The following TAFA5 variants were observed in gnomAD, a reference collection of about 807,000 sequenced individuals.
TAFA5 encodes the protein chemokine-like protein TAFA-5.
A neutral mutation model predicts 15.3 loss-of-function variants in TAFA5; 6 were observed. That is an observed-to-expected ratio of 0.39 (90% CI 0.21 to 0.77). The LOEUF (loss-of-function observed/expected upper bound fraction) is 0.77, where lower values mean the gene tolerates loss of function less well. TAFA5 is among the 30% of genes least tolerant of loss of function. The probability of loss-of-function intolerance (pLI) is 0.41; values close to 1 mark genes in which losing one functional copy is unlikely to be tolerated. For missense variants in TAFA5, 161 were observed against 193.1 expected (o/e 0.83, Z 0.98); for synonymous variants, 103 against 80.7 (o/e 1.28, Z -1.48).
In TAFA5 at chr22:48,667,183, T is replaced by A. The variant is rs141393476; in HGVS notation, c.262+20437T>A. On this transcript the variant is annotated intron_variant, in intron 2 of 3. Transcript: ENST00000402357. ...AGCACAGGGCAGCAGGGATGAGGTCTGCCCATCCGAGCGGCCTGCAGGAGG... is the reference window on the plus strand; with the variant it reads ...AGCACAGGGCAGCAGGGATGAGGTCAGCCCATCCGAGCGGCCTGCAGGAGG... 3.5e-3 allele frequency among the ~76,000 whole-genome samples: 530 copies of A among 152,244 alleles called. 4 individuals are homozygous for A. The highest frequency in any genetic ancestry group is 0.012 in the African/African-American group (494 of 41,552).
chr22:48,501,816 G>A (rs1017885951), intron 1 of TAFA5, among the ~76,000 whole-genome samples: 1 of 152,192 alleles, frequency 6.6e-6, no homozygotes, highest in African/African-American at 2.4e-5. Flanking sequence ...GCCCCGGAGG[G>A]TGCATCTGTC....
At chr22:48,500,074 G>T (rs1920944086) in intron 1 of TAFA5, among the ~76,000 whole-genome samples, 1 of 152,086 alleles carries the variant, frequency 6.6e-6, no homozygotes, top group Non-Finnish European at 1.5e-5. Flanking sequence ...ATGAGGGGAG[G>T]TTAAGGCTTT....
intron 2 of TAFA5, among the ~76,000 whole-genome samples, chr22:48,654,282 C>T (rs1183915637): frequency 6.6e-6 from 1 of 152,156 alleles, no homozygotes; most frequent in Non-Finnish European, 1.5e-5. Flanking sequence ...CTGGGCAGAC[C>T]ACCACCCTCC....
chr22:48,551,973 A>T (rs1379227051), intron 1 of TAFA5, among the ~76,000 whole-genome samples: 1 of 152,194 alleles, frequency 6.6e-6, no homozygotes, highest in African/African-American at 2.4e-5. Context: ...GATTGAGAGC[A>T]CGGGCTCCTG....
Position 48,696,532 on chromosome 22 carries a change from G to A in TAFA5, c.263-11185G>A, listed in dbSNP as rs1029746279. 3.9e-5 allele frequency among the ~76,000 whole-genome samples: 6 copies of A among 152,314 alleles called. No individual in the cohort carries two copies. In the East Asian group the frequency reaches 1.2e-3, roughly 29 times the overall value. On this transcript the variant is annotated intron_variant, in intron 2 of 3. Coordinates refer to ENST00000402357, the MANE Select transcript of TAFA5 (RefSeq NM_001082967.3). ...CAGCACTTCCTCTTTGACCTGCAGG[G>A]GGGTCCCGGAGTGAATGGGTGGCAG... is the stretch of plus-strand genomic sequence containing the variant.
At chr22:48,734,311 G>A (rs143101100) in intron 3 of TAFA5, among the ~76,000 whole-genome samples, 3 of 152,306 alleles carry the variant, frequency 2.0e-5, no homozygotes, top group Admixed American at 6.5e-5. Context: ...GCGAAATATC[G>A]TGAGGCCAGC....
At chr22:48,615,090 G>A (rs911571812) in intron 1 of TAFA5, among the ~76,000 whole-genome samples, 9 of 152,264 alleles carry the variant, frequency 5.9e-5, no homozygotes, top group South Asian at 2.1e-4. Context: ...CAAAGCCTCC[G>A]TGTTTCCCAG....
At chr22:48,520,557 G>T (rs1013250150) in intron 1 of TAFA5, among the ~76,000 whole-genome samples, 2 of 152,206 alleles carry the variant, frequency 1.3e-5, no homozygotes, top group Non-Finnish European at 2.9e-5. Flanking sequence ...CCTTTGTTGG[G>T]GATGGAGAGT....
At chr22:48,492,788 T>A (rs1928202094) in intron 1 of TAFA5, among the ~76,000 whole-genome samples, 1 of 152,176 alleles carries the variant, frequency 6.6e-6, no homozygotes. Context: ...GTTGGATGGT[T>A]GGTAATAAGT....
At chr22:48,731,421 T>G (rs1929865562) in intron 3 of TAFA5, among the ~76,000 whole-genome samples, 1 of 152,250 alleles carries the variant, frequency 6.6e-6, no homozygotes, top group Admixed American at 6.5e-5. Flanking sequence ...AGCCTTCTAT[T>G]GCAAGAAGAC....
At chr22:48,697,752 G>A (rs1309598698) in intron 2 of TAFA5, among the ~76,000 whole-genome samples, 1 of 151,558 alleles carries the variant, frequency 6.6e-6, no homozygotes, top group East Asian at 2.0e-4. Context: ...ATGATAATGT[G>A]ATGATAGTAA....
intron 1 of TAFA5, among the ~76,000 whole-genome samples, chr22:48,588,490 C>A (rs952799478): frequency 6.6e-6 from 1 of 152,144 alleles, no homozygotes; most frequent in Non-Finnish European, 1.5e-5. Context: ...GCAGAGGGTC[C>A]CAGGCAGGGT....
intron 1 of TAFA5, among the ~76,000 whole-genome samples, chr22:48,624,948 AAAC>A (rs1925975934): frequency 6.6e-6 from 1 of 151,996 alleles, no homozygotes; most frequent in African/African-American, 2.4e-5. Flanking sequence ...AACAATACAA[AAAC>A]AAACAAACAA....
At chr22:48,603,314 G>A (rs1056950885) in intron 1 of TAFA5, among the ~76,000 whole-genome samples, 24 of 152,374 alleles carry the variant, frequency 1.6e-4, no homozygotes, top group African/African-American at 5.0e-4. Context: ...CCCACTCAGC[G>A]ATGAGTCATG....
chr22:48,656,149 ATTCTTTTTCAGGGTG>A (rs2147210165), intron 2 of TAFA5, among the ~76,000 whole-genome samples: 1 of 152,066 alleles, frequency 6.6e-6, no homozygotes, highest in African/African-American at 2.4e-5. Flanking sequence ...GCCGACGCTG[ATTCTTTTTCAGGGTG>A]TTGCTTGCTC....
rs1930198259 is a variant in TAFA5, at chr22:48,742,146, AACC to A, written c.391-7692_391-7690del. ...TCTGGCTGCACCGGCTCCCCTGCCC[AACC>A]CCACAGGCCCCCTCATCCTTCACCA... On this transcript the variant is annotated intron_variant, in intron 3 of 3. Coordinates refer to ENST00000402357, the MANE Select transcript of TAFA5 (RefSeq NM_001082967.3). The surrounding 1 kb of genome is among the most constrained non-coding windows in gnomAD (Gnocchi z 6.2). 6.7e-6 allele frequency among the ~76,000 whole-genome samples: 1 copy of A among 149,414 alleles called. No homozygotes were observed. The highest frequency in any genetic ancestry group is 6.7e-5 in the Admixed American group (1 of 15,026).
intron 1 of TAFA5, among the ~76,000 whole-genome samples, chr22:48,628,669 C>T (rs118087536): frequency 0.032 from 4,813 of 152,304 alleles, 112 homozygotes; most frequent in Middle Eastern, 0.082. Flanking sequence ...AGCAGAGCTG[C>T]CATGCTCTGT....
intron 2 of TAFA5, among the ~76,000 whole-genome samples, chr22:48,676,736 A>G (rs951056597): frequency 2.0e-5 from 3 of 152,218 alleles, no homozygotes; most frequent in Non-Finnish European, 4.4e-5. Context: ...TGCACTGCTC[A>G]TGGCTTGGAC....
chr22:48,642,530 G>T (rs893863092), intron 1 of TAFA5, among the ~76,000 whole-genome samples: 2 of 152,172 alleles, frequency 1.3e-5, no homozygotes, highest in Non-Finnish European at 2.9e-5. Flanking sequence ...CCCAGCACTC[G>T]GAGCCGGACC....
Sources: allele counts gnomAD v4.1 joint callset (sites outside exome capture counted in the v4.1 genomes callset), GRCh38; gene constraint gnomAD v4.1.1; non-coding constraint Gnocchi (gnomAD v3.1); transcripts MANE v1.5; gene names NCBI Gene and HGNC (gene_info 2026-07-23, HGNC 2026-07-21).